The following LRRC4C variants were observed in gnomAD, a reference collection of about 807,000 sequenced individuals.
LRRC4C encodes the protein leucine-rich repeat-containing protein 4C.
LRRC4C carries 5 observed loss-of-function variants against 33.6 expected under a neutral mutation model. That is an observed-to-expected ratio of 0.15 (90% CI 0.08 to 0.31). The LOEUF is 0.31. LRRC4C is among the 10% of genes least tolerant of loss of function. The pLI, the probability that LRRC4C is intolerant of heterozygous loss-of-function variation, is 1.00. For missense variants in LRRC4C, 560 were observed against 796.7 expected, an observed-to-expected ratio of 0.70 and a Z score of 3.58; for synonymous variants, 329 against 302.0, an observed-to-expected ratio of 1.09 and a Z score of -0.93.
At chr11:40,250,134 C>T (rs544757567) in intron 4 of LRRC4C, among the ~76,000 whole-genome samples, 1 of 152,174 alleles carries the variant, frequency 6.6e-6, no homozygotes, top group African/African-American at 2.4e-5. Flanking sequence ...CGATGAACTA[C>T]CTTCTTTATT....
At chr11:40,728,992 G>A (rs1226043922) in intron 2 of LRRC4C, among the ~76,000 whole-genome samples, 2 of 139,950 alleles carry the variant, frequency 1.4e-5, no homozygotes, top group East Asian at 2.3e-4. Context: ...GGGAGGGTGG[G>A]AGGGAGGGGT....
At chr11:40,498,029 A>G (rs984773641) in intron 3 of LRRC4C, among the ~76,000 whole-genome samples, 1 of 152,238 alleles carries the variant, frequency 6.6e-6, no homozygotes, top group Non-Finnish European at 1.5e-5. Flanking sequence ...AAATCGACTT[A>G]CAAAAAATAT....
intron 1 of LRRC4C, among the ~76,000 whole-genome samples, chr11:41,289,256 A>G (rs766426400): frequency 2.0e-5 from 3 of 152,316 alleles, no homozygotes; most frequent in Middle Eastern, 3.4e-3. Context: ...AAGAATAATC[A>G]TTAAGTAATA....
At chr11:40,462,717 CA>C (rs1952459610) in intron 3 of LRRC4C, among the ~76,000 whole-genome samples, 1 of 152,008 alleles carries the variant, frequency 6.6e-6, no homozygotes, top group African/African-American at 2.4e-5. Flanking sequence ...TTGGAAGCAG[CA>C]AGGAGAGCTA....
At chr11:40,390,872 TTTTTG>T (rs1035547101) in intron 3 of LRRC4C, among the ~76,000 whole-genome samples, 15 of 152,062 alleles carry the variant, frequency 9.9e-5, no homozygotes, top group Admixed American at 1.3e-4. Context: ...TCTTTTCCTT[TTTTTG>T]TTTTGTTTTG....
chr11:40,343,814 G>A (rs12577886), intron 3 of LRRC4C, among the ~76,000 whole-genome samples: 48,809 of 150,834 alleles, frequency 0.32, 8,007 homozygotes, highest in East Asian at 0.5. Context: ...ATGGCAAAGG[G>A]GTCATTACCA....
At chr11:41,092,167 G>A (rs868743641) in intron 1 of LRRC4C, among the ~76,000 whole-genome samples, 3 of 151,904 alleles carry the variant, frequency 2.0e-5, no homozygotes, top group Middle Eastern at 3.4e-3. Flanking sequence ...GCCATTTTTT[G>A]TATGGTTCAA....
At chr11:40,262,660 G>A (rs970128797) in intron 4 of LRRC4C, among the ~76,000 whole-genome samples, 1 of 152,124 alleles carries the variant, frequency 6.6e-6, no homozygotes, top group Non-Finnish European at 1.5e-5. Context: ...CCATAAAAAG[G>A]ATGAGTTCAT....
At chr11:40,422,978 C>T (rs1950573425) in intron 3 of LRRC4C, among the ~76,000 whole-genome samples, 1 of 152,030 alleles carries the variant, frequency 6.6e-6, no homozygotes, top group African/African-American at 2.4e-5. Context: ...AAAGTTAGCA[C>T]ACATTAAAAA....
chr11:41,001,052 T>A (rs4756627), intron 1 of LRRC4C, among the ~76,000 whole-genome samples: 43,170 of 151,808 alleles, frequency 0.28, 6,351 homozygotes, highest in African/African-American at 0.31. Flanking sequence ...AAAGACAGAG[T>A]TATTTTATTG....
intron 1 of LRRC4C, among the ~76,000 whole-genome samples, chr11:40,959,287 T>C (rs566268798): frequency 4.7e-4 from 72 of 151,764 alleles, no homozygotes; most frequent in African/African-American, 1.7e-3. Context: ...TTACCTAATT[T>C]AGAGATATAG....
chr11:40,545,452 A>G (rs1956875779), intron 3 of LRRC4C, among the ~76,000 whole-genome samples: 1 of 152,008 alleles, frequency 6.6e-6, no homozygotes, highest in Non-Finnish European at 1.5e-5. Context: ...TACATTTTCA[A>G]TGTTTAAAAC....
intron 1 of LRRC4C, among the ~76,000 whole-genome samples, chr11:41,212,889 C>A (rs986598486): frequency 6.6e-6 from 1 of 152,106 alleles, no homozygotes; most frequent in African/African-American, 2.4e-5. Flanking sequence ...TTCCATGTAC[C>A]TAACACATTG....
intron 4 of LRRC4C, among the ~76,000 whole-genome samples, chr11:40,308,275 T>C (rs747265659): frequency 2.0e-5 from 3 of 152,228 alleles, no homozygotes; most frequent in African/African-American, 7.2e-5. Flanking sequence ...GCCAAGCTTA[T>C]GCATGGCCGC....
intron 1 of LRRC4C, among the ~76,000 whole-genome samples, chr11:41,012,318 G>C (rs546550936): frequency 2.6e-5 from 4 of 152,112 alleles, no homozygotes; most frequent in Non-Finnish European, 4.4e-5. Flanking sequence ...GCACATAAGA[G>C]TGAGAATATG....
chr11:41,313,724 C>T (rs1311004168), intron 1 of LRRC4C, among the ~76,000 whole-genome samples: 3 of 152,044 alleles, frequency 2.0e-5, no homozygotes, highest in African/African-American at 4.8e-5. Flanking sequence ...TTAAAGTATA[C>T]AAAACAAACA....
chr11:41,369,494 A>T (rs750906091), intron 1 of LRRC4C, among the ~76,000 whole-genome samples: 1 of 151,972 alleles, frequency 6.6e-6, no homozygotes, highest in East Asian at 1.9e-4. Context: ...CCTATAACAC[A>T]AGTTTACCTA....
At chr11:41,077,950 T>A (rs1939279560) in intron 1 of LRRC4C, among the ~76,000 whole-genome samples, 1 of 152,204 alleles carries the variant, frequency 6.6e-6, no homozygotes, top group Non-Finnish European at 1.5e-5. Context: ...AGAAATTTCT[T>A]CAACCAGGTA....
intron 1 of LRRC4C, among the ~76,000 whole-genome samples, chr11:41,104,214 C>T (rs1555075381): frequency 6.6e-6 from 1 of 151,800 alleles, no homozygotes; most frequent in Non-Finnish European, 1.5e-5. Context: ...CAATAAGATA[C>T]TTTTATCCAA....
Sources: gnomAD v4.1 joint callset for allele counts (sites outside exome capture counted in the v4.1 genomes callset) on GRCh38, gnomAD v4.1.1 for gene constraint, MANE v1.5 for transcripts, NCBI Gene and HGNC (gene_info 2026-07-23, HGNC 2026-07-21) for gene names.